The following LRGUK variants were observed in gnomAD, a reference collection of about 807,000 sequenced individuals.
LRGUK encodes leucine-rich repeat and guanylate kinase domain-containing protein.
A neutral mutation model predicts 76.0 loss-of-function variants in LRGUK; 65 were observed. That is an observed-to-expected ratio of 0.85 (90% CI 0.70 to 1.05). LRGUK has a LOEUF of 1.05. LRGUK is among the 50% of genes least tolerant of loss of function. LRGUK has a pLI of 0.00. For missense variants in LRGUK, 758 were observed against 732.8 expected, an observed-to-expected ratio of 1.03 and a Z score of -0.40; for synonymous variants, 268 against 265.6, an observed-to-expected ratio of 1.01 and a Z score of -0.09.
At position 134,129,177 on chromosome 7, in the gene LRGUK, T is replaced by TCTTC. The variant is rs544380928; in HGVS notation, c.297+1528_297+1531dup. 9.2e-3 allele frequency among the ~76,000 whole-genome samples: 1,188 copies of TCTTC among 128,504 alleles called. 10 individuals carry two copies. The highest frequency in any genetic ancestry group is 0.014 in the Non-Finnish European group (831 of 60,658). 84.3% of individuals were successfully genotyped at this position (128,504 alleles called of 152,430 possible). On this transcript the variant is annotated intron_variant, in intron 1 of 15. Transcript: ENST00000645682. ...CTCTTTCTTTCTTTCTTTCGTTTTT[T>TCTTC]CTTCCTTCCTTCCTTCCTCCCTCCC...
chr7:134,177,128 G>A (rs1799518250), intron 9 of LRGUK, 65 bp downstream of exon 9: 1 of 910,046 alleles, frequency 1.1e-6, no homozygotes, highest in Non-Finnish European at 1.7e-6. Context: ...AGCTCGTGTT[G>A]CCTGCTGTGG....
At chr7:134,168,020 T>C (rs1019137501) in intron 7 of LRGUK, among the ~76,000 whole-genome samples, 14 of 152,176 alleles carry the variant, frequency 9.2e-5, no homozygotes, top group African/African-American at 3.4e-4. Flanking sequence ...CTTTATCTTG[T>C]TCACTTTTGA....
chr7:134,180,109 A>G lies in LRGUK; in HGVS notation c.1214+1500A>G, dbSNP rs536491842. On this transcript the variant is annotated intron_variant, in intron 10 of 15. Coordinates refer to ENST00000645682, the Ensembl canonical transcript of LRGUK. Reference sequence around the variant, plus strand: ...ACAAAGTTCTCCAGACTCATCTGGTACATGTCCTGTCCCAAATCTGGAATC... The same window carrying G: ...ACAAAGTTCTCCAGACTCATCTGGTGCATGTCCTGTCCCAAATCTGGAATC... Among the ~76,000 whole-genome samples, 22 of 152,316 alleles carry G rather than the reference A, an allele frequency of 1.4e-4. No individual in the cohort carries two copies. In the South Asian group the frequency reaches 1.4e-3, roughly 10 times the overall value.
chr7:134,247,449 TCCCACA>T, intron 16 of LRGUK, 101 bp from the exon 17 acceptor site: 2 of 701,312 alleles, frequency 2.9e-6, no homozygotes, highest in Admixed American at 2.9e-5. Flanking sequence ...CCCTTTTTCT[TCCCACA>T]TATTTGTCAA....
At chr7:134,243,408 T>A (rs1802213380) in intron 16 of LRGUK, among the ~76,000 whole-genome samples, 1 of 152,006 alleles carries the variant, frequency 6.6e-6, no homozygotes, top group African/African-American at 2.4e-5. Flanking sequence ...TATACACCAA[T>A]AACAGACAAA....
At chr7:134,144,048 T>C (rs997597676) in intron 4 of LRGUK, among the ~76,000 whole-genome samples, 2 of 152,232 alleles carry the variant, frequency 1.3e-5, no homozygotes, top group African/African-American at 2.4e-5. Context: ...CAAGAGATTC[T>C]GATTTAAGTG....
At position 134,224,407 on chromosome 7, in the gene LRGUK, C is replaced by T. The variant is rs181546209; in HGVS notation, c.1983+2489C>T. ...TTTAAACGTGTTTAGGGATCATGTC[C>T]TTTGCAGGAACGTGGAGGCCATTAT... On this transcript the variant is annotated intron_variant, in intron 16 of 19. Coordinates refer to the LRGUK transcript ENST00000285928. Among the ~76,000 whole-genome samples, 6 of 152,260 alleles carry T rather than the reference C, an allele frequency of 3.9e-5. 1 individual carries two copies. The East Asian group carries it at 5.8e-4, about 15-fold the overall frequency.
chr7:134,178,949 C>CAAAAAAAAAAAAAAAA (rs1799620836), intron 10 of LRGUK, among the ~76,000 whole-genome samples: 2 of 84,138 alleles, frequency 2.4e-5, no homozygotes, highest in Non-Finnish European at 4.6e-5. Flanking sequence ...AAAAAAAAAA[C>CAAAAAAAAAAAAAAAA]CAGGACCAAT....
At chr7:134,144,085 C>T (rs187308861) in intron 4 of LRGUK, among the ~76,000 whole-genome samples, 62 of 152,274 alleles carry the variant, frequency 4.1e-4, no homozygotes, top group Non-Finnish European at 6.2e-4. Flanking sequence ...GGGCTTTGGG[C>T]TTCTTATTTT....
At chr7:134,178,412 GAAC>G (rs1799574976) in intron 9 of LRGUK, 88 bp from the exon 10 acceptor site, 10 of 888,158 alleles carry the variant, frequency 1.1e-5, no homozygotes, top group East Asian at 5.3e-5. Flanking sequence ...GGCTGCACGT[GAAC>G]AACATTTCAT....
At chr7:134,218,495 G>A (rs1485744747) in intron 15 of LRGUK, among the ~76,000 whole-genome samples, 1 of 152,120 alleles carries the variant, frequency 6.6e-6, no homozygotes. Flanking sequence ...TCTTATTAAT[G>A]TAGAAACACT....
At chr7:134,248,928 T>C in intron 17 of LRGUK, 23 bp from the exon 18 acceptor site, 2 of 1,427,636 alleles carry the variant, frequency 1.4e-6, no homozygotes, top group Admixed American at 2.8e-5. Context: ...GGTTTTTTTT[T>C]TTTTTTAAAT....
At position 134,151,450 on chromosome 7, in the gene LRGUK, T is replaced by C. The variant is rs146339681; in HGVS notation, c.670+3131T>C. 1.8e-3 allele frequency among the ~76,000 whole-genome samples: 272 copies of C among 152,182 alleles called. 9 individuals carry two copies. The East Asian group carries it at 0.046, about 26-fold the overall frequency. On this transcript the variant is annotated intron_variant, in intron 5 of 15. Coordinates refer to ENST00000645682, the Ensembl canonical transcript of LRGUK. ...TAAAAATCTTTCTACCAAAAAAGCC[T>C]AGACCCCAAATTTTCAAAACAGACC... is the stretch of plus-strand genomic sequence containing the variant.
rs183702733 is a variant in LRGUK, at chr7:134,147,063, C to T, written c.589-1175C>T. The stretch of plus-strand genomic sequence containing the variant: ...AGAAGTTGCTGAAAAAGCTTTCCTA[C>T]AGTAGTCAATTTTGAGAAAGAATGT... On this transcript the variant is annotated intron_variant, in intron 4 of 15. Transcript: ENST00000645682. 6.3e-4 allele frequency among the ~76,000 whole-genome samples: 96 copies of T among 152,190 alleles called. 1 individual carries two copies. The highest frequency in any genetic ancestry group is 9.4e-4 in the Non-Finnish European group (64 of 68,022).
At chr7:134,267,489 C>T (rs1802876270), downstream of LRGUK, among the ~76,000 whole-genome samples, 2 of 152,144 alleles carry the variant, frequency 1.3e-5, no homozygotes, top group African/African-American at 4.8e-5. Flanking sequence ...ATAATTCCCA[C>T]GTGTTGTGGG....
chr7:134,139,507 T>G, exon 3 of LRGUK: 1 of 1,600,066 alleles, frequency 6.2e-7, no homozygotes, highest in Non-Finnish European at 8.6e-7. Flanking sequence ...TTTCAGCGAA[T>G]AAAATTGAAG....
chr7:134,236,897 T>C (rs1802029320), intron 16 of LRGUK, among the ~76,000 whole-genome samples: 1 of 152,210 alleles, frequency 6.6e-6, no homozygotes, highest in Non-Finnish European at 1.5e-5. Flanking sequence ...GTTCAATACC[T>C]AGTTCAATTA....
At chr7:134,220,508 C>G (rs1801562296) in intron 15 of LRGUK, among the ~76,000 whole-genome samples, 2 of 152,080 alleles carry the variant, frequency 1.3e-5, no homozygotes, top group South Asian at 4.2e-4. Context: ...GTCCCTACAT[C>G]TGTGGACTGA....
chr7:134,246,096 G>T (rs918515739), intron 16 of LRGUK, among the ~76,000 whole-genome samples: 1 of 152,162 alleles, frequency 6.6e-6, no homozygotes, highest in Non-Finnish European at 1.5e-5. Context: ...TAGCGCTCAT[G>T]TGTCATGGTC....
Sources: allele counts gnomAD v4.1 joint callset (sites outside exome capture counted in the v4.1 genomes callset), GRCh38; gene constraint gnomAD v4.1.1; transcripts MANE v1.5; gene names NCBI Gene and HGNC (gene_info 2026-07-23, HGNC 2026-07-21).